GREM2: variants seen among roughly 807,000 people sequenced by gnomAD.
GREM2 encodes gremlin 2, DAN family BMP antagonist.
GREM2 carries 11 observed loss-of-function variants against 14.2 expected under a neutral mutation model. The observed-to-expected ratio is 0.78, with a 90% confidence interval of 0.49 to 1.28. The LOEUF is 1.28. Ranked by LOEUF, GREM2 falls within the 50% of genes most tolerant of loss-of-function variation. The pLI, the probability that GREM2 is intolerant of heterozygous loss-of-function variation, is 0.00. For missense variants in GREM2, 210 were observed against 218.5 expected, an observed-to-expected ratio of 0.96 and a Z score of 0.24; for synonymous variants, 98 against 97.6, an observed-to-expected ratio of 1.00 and a Z score of -0.02.
chr1:240,572,216 T>C (rs1277360489), intron 1 of GREM2, among the ~76,000 whole-genome samples: 1 of 152,240 alleles, frequency 6.6e-6, no homozygotes. Flanking sequence ...TGTGTTCGTG[T>C]CTGAATATTC....
intron 1 of GREM2, among the ~76,000 whole-genome samples, chr1:240,557,403 C>T (rs1449426611): frequency 6.6e-6 from 1 of 151,726 alleles, no homozygotes. Context: ...GAGAAGAACC[C>T]AAAATTCTCC....
intron 1 of GREM2, among the ~76,000 whole-genome samples, chr1:240,516,730 GAA>G (rs71747460): frequency 0.086 from 13,029 of 152,114 alleles, 1,885 homozygotes; most frequent in African/African-American, 0.3. Context: ...CCAATTATGA[GAA>G]AATTTCAGGG....
chr1:240,611,551 G>T (rs1558183444), intron 1 of GREM2, among the ~76,000 whole-genome samples: 1 of 152,188 alleles, frequency 6.6e-6, no homozygotes, highest in African/African-American at 2.4e-5. Flanking sequence ...CTATAGTCAT[G>T]ATTAGAATGG....
At chr1:240,523,544 C>A (rs1678151533) in intron 1 of GREM2, among the ~76,000 whole-genome samples, 1 of 152,082 alleles carries the variant, frequency 6.6e-6, no homozygotes, top group South Asian at 2.1e-4. Flanking sequence ...GGAGTGTTCT[C>A]ACTGTTTTTT....
At chr1:240,535,962 A>G (rs1056774962) in intron 1 of GREM2, among the ~76,000 whole-genome samples, 1 of 152,128 alleles carries the variant, frequency 6.6e-6, no homozygotes, top group Non-Finnish European at 1.5e-5. Flanking sequence ...AAGTGGAGTA[A>G]GATAAAGACT....
At chr1:240,570,766 C>T (rs187159410) in intron 1 of GREM2, among the ~76,000 whole-genome samples, 5 of 152,256 alleles carry the variant, frequency 3.3e-5, no homozygotes, top group East Asian at 1.9e-4. Context: ...TGGTATCATG[C>T]AAATAAGATC....
At chr1:240,510,414 G>C (rs1408792593) in intron 1 of GREM2, among the ~76,000 whole-genome samples, 1 of 142,868 alleles carries the variant, frequency 7.0e-6, no homozygotes, top group East Asian at 2.1e-4. Context: ...ATGGTATCCG[G>C]AATATGTCAA....
intron 1 of GREM2, among the ~76,000 whole-genome samples, chr1:240,548,366 T>G (rs1678779558): frequency 6.6e-6 from 1 of 152,138 alleles, no homozygotes; most frequent in Admixed American, 6.5e-5. Context: ...TAAAATTTTC[T>G]TCTTAAACAA....
chr1:240,579,202 A>G (rs1042163554), intron 1 of GREM2, among the ~76,000 whole-genome samples: 1 of 152,188 alleles, frequency 6.6e-6, no homozygotes. Flanking sequence ...AGATTTGTGG[A>G]GAAGTCTAGA....
At chr1:240,521,306 C>G (rs143180833) in intron 1 of GREM2, among the ~76,000 whole-genome samples, 1 of 152,144 alleles carries the variant, frequency 6.6e-6, no homozygotes. Context: ...CGGTGGCTCA[C>G]GCCTGTAATC....
At chr1:240,516,920 G>A (rs1045567383) in intron 1 of GREM2, among the ~76,000 whole-genome samples, 5 of 152,250 alleles carry the variant, frequency 3.3e-5, no homozygotes, top group African/African-American at 7.2e-5. Flanking sequence ...GAGCTAGACC[G>A]TCTAGGCTCC....
chr1:240,536,537 G>A lies in GREM2; in HGVS notation c.-1-43061C>T, dbSNP rs562005589. Among the ~76,000 whole-genome samples the A allele has an allele frequency of 4.6e-5, 7 of 152,286 alleles. No homozygotes were observed. In the South Asian group the frequency reaches 1.5e-3, roughly 32 times the overall value. On this transcript the variant is annotated intron_variant, in intron 1 of 1. Transcript: ENST00000318160. The stretch of plus-strand genomic sequence containing the variant: ...GGATTGGTAATTGTTCCTCGGATGG[G>A]GAAACATGACATGTGAAAAATATGG...
At position 240,547,532 on chromosome 1, in the gene GREM2, T is replaced by TATAGACAG. The variant is rs1553275860; in HGVS notation, c.-1-54057_-1-54056insCTGTCTAT. Among the ~76,000 whole-genome samples the TATAGACAG allele has an allele frequency of 8.9e-4, 108 of 121,864 alleles. 2 individuals are homozygous for TATAGACAG. The highest frequency in any genetic ancestry group is 3.3e-3 in the African/African-American group (89 of 27,078). 79.9% of individuals were successfully genotyped at this position (121,864 alleles called of 152,430 possible). A position where few individuals can be genotyped will look rare whatever the true frequency, so the allele number is the denominator to read the frequency against. ...AAAAAAAAATATATATATATATATA[T>TATAGACAG]ATAGATAGATAGATAGATAGATAGA... On this transcript the variant is annotated intron_variant, in intron 1 of 1. Transcript: ENST00000318160.
At chr1:240,557,272 G>A (rs1678968144) in intron 1 of GREM2, among the ~76,000 whole-genome samples, 1 of 151,714 alleles carries the variant, frequency 6.6e-6, no homozygotes, top group Admixed American at 6.6e-5. Context: ...AACCAGCAGG[G>A]AAGAAATCAT....
intron 1 of GREM2, among the ~76,000 whole-genome samples, chr1:240,578,497 G>T (rs1000767643): frequency 6.6e-6 from 1 of 151,888 alleles, no homozygotes; most frequent in Admixed American, 6.6e-5. Flanking sequence ...CTAAAACATG[G>T]GTATAGGCTG....
rs372450907 is a variant in GREM2 at position 240,544,308 on chromosome 1, T to C, written c.-1-50832A>G. ...GACTACAGGCACCTGCCACCACGCC[T>C]GGCTAATTTTTTGTATTTTTAATAG... On this transcript the variant is annotated intron_variant, in intron 1 of 1. Transcript: ENST00000318160. Among the ~76,000 whole-genome samples, 20 of 152,196 alleles carry C rather than the reference T, an allele frequency of 1.3e-4. No individual in the cohort carries two copies. In the East Asian group the frequency reaches 1.6e-3, roughly 12 times the overall value.
chr1:240,510,146 G>A (rs1406485809), intron 1 of GREM2, among the ~76,000 whole-genome samples: 1 of 152,030 alleles, frequency 6.6e-6, no homozygotes, highest in African/African-American at 2.4e-5. Flanking sequence ...GAGGCGGGCG[G>A]ATCACGAGGT....
At position 240,582,810 on chromosome 1, in the gene GREM2, A is replaced by AG. The variant is rs1394599841; in HGVS notation, c.-2+29073dup. 2.0e-5 allele frequency among the ~76,000 whole-genome samples: 3 copies of AG among 150,352 alleles called. No homozygotes were observed. The East Asian group carries it at 5.9e-4, about 29-fold the overall frequency. On this transcript the variant is annotated intron_variant, in intron 1 of 1. Coordinates refer to ENST00000318160, the MANE Select transcript of GREM2 (RefSeq NM_022469.4). ...AAAACTCTGTCTCAAAAAAAAAAAAAGAGAAATTTGTTGTATATTTTTCTC... is the reference window on the plus strand; with the variant it reads ...AAAACTCTGTCTCAAAAAAAAAAAAAGGAGAAATTTGTTGTATATTTTTCTC...
Position 240,528,809 on chromosome 1 carries a change from T to C in GREM2, c.-1-35333A>G, listed in dbSNP as rs115161878. Among the ~76,000 whole-genome samples, 698 of 152,252 alleles carry C rather than the reference T, an allele frequency of 4.6e-3. 6 individuals are homozygous for C. Among genetic ancestry groups the C allele is most frequent in the Non-Finnish European group, 7.4e-3 (504 of 68,020 alleles). ...TTATGACTTTCTAGCCTTAGAACAG[T>C]CCTTTATATCCGAGTAGAGCTTCAG... On this transcript the variant is annotated intron_variant, in intron 1 of 1. Transcript: ENST00000318160.
Sources: allele counts gnomAD v4.1 joint callset (sites outside exome capture counted in the v4.1 genomes callset), GRCh38; gene constraint gnomAD v4.1.1; transcripts MANE v1.5; gene names NCBI Gene and HGNC (gene_info 2026-07-23, HGNC 2026-07-21).